RPGRIP1L: variants seen among roughly 807,000 people sequenced by gnomAD.
RPGRIP1L encodes protein fantom.
Under a neutral mutation model 160.4 loss-of-function variants are expected in RPGRIP1L, and 131 were observed. The observed-to-expected ratio is 0.82, with a 90% CI of 0.71 to 0.94. The LOEUF is 0.94. Ranked by LOEUF, RPGRIP1L falls within the 40% of genes least tolerant of loss-of-function variation. RPGRIP1L has a pLI of 0.00. For synonymous variants in RPGRIP1L, 510 were observed against 515.8 expected, an observed-to-expected ratio of 0.99 and a Z score of 0.15; for missense variants, 1,522 against 1,535.8, an observed-to-expected ratio of 0.99 and a Z score of 0.15.
chr16:53,627,257 G>A (rs754199034), intron 22 of RPGRIP1L, among the ~76,000 whole-genome samples: 2 of 152,132 alleles, frequency 1.3e-5, no homozygotes, highest in African/African-American at 4.8e-5. Flanking sequence ...TATGATAAAG[G>A]TCTTGCAACT....
In RPGRIP1L at chr16:53,598,189, A is replaced by G. The variant is rs1963258620; in HGVS notation, c.*3887T>C. 1 of 152,206 alleles carries G rather than the reference A, an allele frequency of 6.6e-6. No individual in the cohort carries two copies. Among genetic ancestry groups the G allele is most frequent in the Non-Finnish European group, 1.5e-5 (1 of 68,036 alleles). The allele number at this position is 152,206 out of a possible 1,614,324, so 9.4% of individuals were successfully genotyped here. ...ATGTTAAATTTTATTTAAAAAGAAA[A>G]CAAATGGTGCACAGTGAAGACAGAG... is the stretch of plus-strand genomic sequence containing the variant. On this transcript the variant is annotated 3_prime_UTR_variant, in exon 27 of 27. Transcript: ENST00000647211.
chr16:53,651,879 TATTA>T lies in RPGRIP1L; in HGVS notation c.2152+652_2152+655del, dbSNP rs1396057319. Among the ~76,000 whole-genome samples, 5 of 145,380 alleles carry T rather than the reference TATTA, an allele frequency of 3.4e-5. No individual in the cohort carries two copies. The South Asian group carries it at 1.1e-3, about 33-fold the overall frequency. On this transcript the variant is annotated intron_variant, in intron 15 of 26. Coordinates refer to ENST00000647211, the MANE Select transcript of RPGRIP1L (RefSeq NM_015272.5). ...TAATAATTTCATAAATAGCTTATAT[TATTA>T]TTTATAATAGTTATAACTATTAAAC...
In RPGRIP1L at chr16:53,645,643, G is replaced by T. The variant is rs193052266; in HGVS notation, c.2665C>A (p.His889Asn). Residue 889 changes from histidine (H) to asparagine (N), a missense_variant, in exon 17 of 27, where the codon CAT becomes AAT. By Grantham distance (68) the His-to-Asn change is moderately conservative (BLOSUM62 1). Transcript: ENST00000647211. ...KVNVPLISLA[H>N]DRCISGIFEL... ...GGCTTACCTGAGATACACCTGTCATGTGCCAACGAAATCAGAGGCACATTG... is the reference window on the plus strand; with the variant it reads ...GGCTTACCTGAGATACACCTGTCATTTGCCAACGAAATCAGAGGCACATTG... 2.5e-6 allele frequency: 4 copies of T among 1,613,682 alleles called. No homozygotes were observed. In the African/African-American group the frequency reaches 5.3e-5, roughly 22 times the overall value.
rs1970017927 is a variant in RPGRIP1L, at chr16:53,686,437, G to A, written c.772C>T (p.Gln258Ter). 1 of 1,612,806 alleles carries A rather than the reference G, an allele frequency of 6.2e-7. No individual in the cohort carries two copies. The highest frequency in any genetic ancestry group is 8.5e-7 in the Non-Finnish European group (1 of 1,179,518). Residue 258 changes from glutamine to a stop codon, truncating the protein, a stop_gained, in exon 6 of 27, where the codon CAA becomes TAA. Transcript: ENST00000647211. LOFTEE classifies it high-confidence loss of function. ...LQLREQQATD[Q>*]RSNIRDNVEM... ...GATATTTCTGTTTTAACATACCTTT[G>A]ATCTGTAGCTTGCTGTTCTCGAAGC...
intron 21 of RPGRIP1L, among the ~76,000 whole-genome samples, chr16:53,637,018 C>T (rs930112487): frequency 6.6e-6 from 1 of 151,490 alleles, no homozygotes; most frequent in African/African-American, 2.4e-5. Flanking sequence ...CAGGGTCTTG[C>T]TATGTTACCC....
chr16:53,621,256 A>G (rs1292704037), intron 23 of RPGRIP1L, among the ~76,000 whole-genome samples: 2 of 152,186 alleles, frequency 1.3e-5, no homozygotes, highest in Non-Finnish European at 2.9e-5. Flanking sequence ...GCAACTCTTT[A>G]AAGTTTAAAA....
At chr16:53,667,902 T>C (rs1398988067) in intron 9 of RPGRIP1L, among the ~76,000 whole-genome samples, 1 of 151,266 alleles carries the variant, frequency 6.6e-6, no homozygotes, top group Admixed American at 6.6e-5. Flanking sequence ...AATAATAAAA[T>C]TAAAAATTAG....
rs2151036535 is a variant in RPGRIP1L at position 53,637,793 on chromosome 16, T to A, written c.3122A>T (p.Lys1041Ile). The A allele has an allele frequency of 6.2e-7, 1 of 1,613,426 alleles. No homozygotes were observed. The highest frequency in any genetic ancestry group is 1.1e-5 in the South Asian group (1 of 91,076). The change falls in exon 21 of 27, where the codon AAA (lysine) becomes ATA (isoleucine). Residue 1041 changes from lysine to isoleucine, a missense_variant. Coordinates refer to ENST00000647211, the MANE Select transcript of RPGRIP1L (RefSeq NM_015272.5). ...KENTEKMQQG[K>I]DDVSLLSEGQ... Reference sequence around the variant, plus strand: ...TTCAGATAGTAAAGACACATCATCTTTTCCTTGCTGCATTTTCTCAGTATT... The same window carrying A: ...TTCAGATAGTAAAGACACATCATCTATTCCTTGCTGCATTTTCTCAGTATT...
chr16:53,648,716 T>C (rs2151099983), intron 16 of RPGRIP1L, among the ~76,000 whole-genome samples: 1 of 152,008 alleles, frequency 6.6e-6, no homozygotes, highest in Admixed American at 6.5e-5. Flanking sequence ...ATTAATAGTA[T>C]TGTCCCGATT....
intron 2 of RPGRIP1L, 141 bp downstream of exon 2, chr16:53,700,498 C>G (rs1015786107): frequency 2.8e-6 from 2 of 724,946 alleles, no homozygotes; most frequent in African/African-American, 1.8e-5. Flanking sequence ...GTGTTCTAAA[C>G]TCTCCATCTT....
chr16:53,630,170 G>A (rs1472191189), intron 22 of RPGRIP1L, among the ~76,000 whole-genome samples: 1 of 152,068 alleles, frequency 6.6e-6, no homozygotes, highest in Non-Finnish European at 1.5e-5. Flanking sequence ...TCAGCCTTCA[G>A]AGTAGCTAGG....
At chr16:53,657,995 G>A (rs1967414505) in intron 12 of RPGRIP1L, among the ~76,000 whole-genome samples, 1 of 151,986 alleles carries the variant, frequency 6.6e-6, no homozygotes, top group South Asian at 2.1e-4. Context: ...ATAAATAACA[G>A]AATATTCTAG....
At chr16:53,698,977 T>C (rs1056270161) in intron 2 of RPGRIP1L, among the ~76,000 whole-genome samples, 3 of 152,086 alleles carry the variant, frequency 2.0e-5, no homozygotes, top group Non-Finnish European at 2.9e-5. Context: ...GATTGAGAAA[T>C]CGGATGGTTG....
chr16:53,692,335 T>C lies in RPGRIP1L; in HGVS notation c.260A>G (p.Asn87Ser). The C allele has an allele frequency of 6.2e-7, 1 of 1,614,190 alleles. No individual in the cohort carries two copies. The highest frequency in any genetic ancestry group is 8.5e-7 in the Non-Finnish European group (1 of 1,180,034). The change falls in exon 4 of 27, where the codon AAT (asparagine) becomes AGT (serine). Residue 87 changes from asparagine (N) to serine (S), a missense_variant. Coordinates refer to ENST00000647211, the MANE Select transcript of RPGRIP1L (RefSeq NM_015272.5). ...RMATKLIRLV[N>S]DKKRYERVGG... ...AACCCGCTCATATCTTTTCTTGTCA[T>C]TAACTAGCCGTATTAACTTGGTGGC...
At position 53,602,034 on chromosome 16, in the gene RPGRIP1L, G is replaced by A. The variant is rs376316263; in HGVS notation, c.*42C>T. On this transcript the variant is annotated 3_prime_UTR_variant, in exon 27 of 27. Coordinates refer to ENST00000647211, the MANE Select transcript of RPGRIP1L (RefSeq NM_015272.5). ...ATCTCATGTAGGAACTTTCATGTGA[G>A]CATTTACTGAGGAGTAGGAGATGCC... 6 of 1,123,276 alleles carry A rather than the reference G, an allele frequency of 5.3e-6. No individual in the cohort carries two copies. Among genetic ancestry groups the A allele is most frequent in the Non-Finnish European group, 8.1e-6 (6 of 738,346 alleles). 69.6% of individuals were successfully genotyped at this position (1,123,276 alleles called of 1,614,324 possible).
In RPGRIP1L at chr16:53,692,314, C is replaced by A; in HGVS notation, c.281G>T (p.Arg94Leu). ...RLVNDKKRYE[R>L]VGGGPKRLGR... ...CAGCCGCTTGGGGCCGCCACCAACC[C>A]GCTCATATCTTTTCTTGTCATTAAC... Residue 94 changes from arginine (R) to leucine (L), a missense_variant, in exon 4 of 27, where the codon CGG becomes CTG. Transcript: ENST00000647211. The A allele has an allele frequency of 1.2e-6, 2 of 1,614,094 alleles. No homozygotes were observed. The highest frequency in any genetic ancestry group is 1.3e-5 in the African/African-American group (1 of 75,014).
At chr16:53,683,401 A>G (rs965259750) in intron 6 of RPGRIP1L, among the ~76,000 whole-genome samples, 1 of 152,222 alleles carries the variant, frequency 6.6e-6, no homozygotes, top group African/African-American at 2.4e-5. Context: ...ACATCTTCAC[A>G]GAAGTTTGAA....
intron 22 of RPGRIP1L, among the ~76,000 whole-genome samples, chr16:53,633,361 T>C (rs1965640087): frequency 6.6e-6 from 1 of 152,244 alleles, no homozygotes; most frequent in African/African-American, 2.4e-5. Flanking sequence ...AACTGGAATC[T>C]GATCTTGAGG....
chr16:53,632,849 C>T (rs1231447790), intron 22 of RPGRIP1L, among the ~76,000 whole-genome samples: 1 of 152,130 alleles, frequency 6.6e-6, no homozygotes, highest in Non-Finnish European at 1.5e-5. Context: ...AGGAAGTCAT[C>T]CTTGATGAAG....
Sources: gnomAD v4.1 joint callset for allele counts (sites outside exome capture counted in the v4.1 genomes callset) on GRCh38, gnomAD v4.1.1 for gene constraint, MANE v1.5 for transcripts, NCBI Gene and HGNC (gene_info 2026-07-23, HGNC 2026-07-21) for gene names.